Variants in NAALADL2 observed in about 807,000 individuals in gnomAD.
NAALADL2 encodes N-acetylated alpha-linked acidic dipeptidase like 2.
Under a neutral mutation model 87.2 loss-of-function variants are expected in NAALADL2, and 76 were observed. The ratio of observed to expected loss-of-function variants is 0.87; its 90% CI spans 0.72 to 1.05. The LOEUF (loss-of-function observed/expected upper bound fraction) is 1.05. Among genes scored for constraint, NAALADL2 ranks in the 50% least tolerant of loss-of-function variants. NAALADL2 has a pLI of 0.00. For missense variants in NAALADL2, 1,089 were observed against 945.8 expected (o/e 1.15, Z -1.99); for synonymous variants, 354 against 331.0 (o/e 1.07, Z -0.75).
chr3:174,746,104 A>C (rs186469445), intron 3 of NAALADL2, among the ~76,000 whole-genome samples: 1 of 152,304 alleles, frequency 6.6e-6, no homozygotes, highest in African/African-American at 2.4e-5. Context: ...AGAAAGAAAT[A>C]AAGGGTATTC....
At chr3:175,306,510 C>T (rs879593224) in intron 4 of NAALADL2, among the ~76,000 whole-genome samples, 2 of 152,034 alleles carry the variant, frequency 1.3e-5, no homozygotes, top group Non-Finnish European at 2.9e-5. Context: ...AGTCTCTGTT[C>T]TTATATAAAA....
At position 175,295,512 on chromosome 3, in the gene NAALADL2, A is replaced by T. The variant is rs899498858; in HGVS notation, c.940-28663A>T. The stretch of plus-strand genomic sequence containing the variant: ...TTCCTGCATGCCCTCGTACAAAAAA[A>T]TTACTAAGGCTTTCAACTTTTACTG... On this transcript the variant is annotated intron_variant, in intron 4 of 13. Coordinates refer to ENST00000454872, the MANE Select transcript of NAALADL2 (RefSeq NM_207015.3). 3.9e-5 allele frequency among the ~76,000 whole-genome samples: 6 copies of T among 152,078 alleles called. No individual in the cohort carries two copies. In the South Asian group the frequency reaches 1.2e-3, roughly 32 times the overall value.
At chr3:175,719,203 A>G (rs1741855451) in intron 11 of NAALADL2, among the ~76,000 whole-genome samples, 1 of 150,266 alleles carries the variant, frequency 6.7e-6, no homozygotes, top group South Asian at 2.1e-4. Context: ...GGTTGTCACA[A>G]ATGTGGGATG....
chr3:175,238,523 A>T (rs1008955614), intron 3 of NAALADL2, among the ~76,000 whole-genome samples: 1 of 152,208 alleles, frequency 6.6e-6, no homozygotes, highest in African/African-American at 2.4e-5. Flanking sequence ...CAAATCTATT[A>T]TACTAAATAC....
At chr3:175,512,109 C>G (rs932318703) in intron 9 of NAALADL2, among the ~76,000 whole-genome samples, 1 of 151,994 alleles carries the variant, frequency 6.6e-6, no homozygotes, top group Non-Finnish European at 1.5e-5. Context: ...CTTGGCATAG[C>G]GGTGAGTAGC....
intron 1 of NAALADL2, among the ~76,000 whole-genome samples, chr3:175,048,979 G>C (rs904252865): frequency 1.3e-5 from 2 of 152,104 alleles, no homozygotes; most frequent in African/African-American, 4.8e-5. Flanking sequence ...AAAAATAACA[G>C]TATAAATTAG....
At chr3:175,177,798 C>T (rs1263554171) in intron 2 of NAALADL2, among the ~76,000 whole-genome samples, 8 of 151,548 alleles carry the variant, frequency 5.3e-5, no homozygotes, top group South Asian at 4.2e-4. Flanking sequence ...AGCTGAAGCA[C>T]GAATAAGTGA....
At chr3:175,650,614 A>C (rs1231179378) in intron 11 of NAALADL2, among the ~76,000 whole-genome samples, 2 of 152,120 alleles carry the variant, frequency 1.3e-5, no homozygotes, top group Non-Finnish European at 2.9e-5. Context: ...ATTCAGTCCT[A>C]TTCTTCCCCC....
At chr3:175,508,123 A>T (rs1022962890) in intron 9 of NAALADL2, among the ~76,000 whole-genome samples, 4 of 152,166 alleles carry the variant, frequency 2.6e-5, no homozygotes, top group African/African-American at 9.7e-5. Flanking sequence ...TACATTTTTA[A>T]ACCACCAGAT....
chr3:175,796,465 C>T (rs960604141), intron 13 of NAALADL2, among the ~76,000 whole-genome samples: 1 of 152,142 alleles, frequency 6.6e-6, no homozygotes, highest in Non-Finnish European at 1.5e-5. Flanking sequence ...TCTCATTCTG[C>T]TTTTGCTAGT....
chr3:174,602,686 G>T (rs1718575712), intron 2 of NAALADL2, among the ~76,000 whole-genome samples: 1 of 151,988 alleles, frequency 6.6e-6, no homozygotes, highest in Non-Finnish European at 1.5e-5. Context: ...TGATGATGGT[G>T]ATCATCCTTG....
In NAALADL2 at chr3:175,462,935, T is replaced by G. The variant is rs184866027; in HGVS notation, c.1235-466T>G. ...TGTTGTATAATGCTTTATTTATCAT[T>G]TTTAAAGTGTTAATAAAATAGTGAG... On this transcript the variant is annotated intron_variant, in intron 6 of 13. Coordinates refer to ENST00000454872, the MANE Select transcript of NAALADL2 (RefSeq NM_207015.3). Among the ~76,000 whole-genome samples, 326 of 152,368 alleles carry G rather than the reference T, an allele frequency of 2.1e-3. 1 individual carries two copies. The highest frequency in any genetic ancestry group is 3.5e-3 in the Admixed American group (54 of 15,300).
At chr3:175,402,965 T>A (rs1308470727) in intron 5 of NAALADL2, among the ~76,000 whole-genome samples, 3 of 152,146 alleles carry the variant, frequency 2.0e-5, no homozygotes, top group Admixed American at 6.6e-5. Flanking sequence ...AAATTCTTCA[T>A]AAATATTTTT....
chr3:175,234,286 C>T, intron 3 of NAALADL2, 82 bp downstream of exon 3: 1 of 1,379,994 alleles, frequency 7.2e-7, no homozygotes, highest in Non-Finnish European at 1.0e-6. Context: ...AACTAACTGT[C>T]AAGATGCAAC....
rs183321136 is a variant in NAALADL2 at position 175,245,474 on chromosome 3, T to A, written c.820-10937T>A. Among the ~76,000 whole-genome samples, 4 of 152,308 alleles carry A rather than the reference T, an allele frequency of 2.6e-5. No homozygotes were observed. The East Asian group carries it at 5.8e-4, about 22-fold the overall frequency. On this transcript the variant is annotated intron_variant, in intron 3 of 13. Transcript: ENST00000454872. ...AATAATTTTAACTTTTTTTGTCCTTTGGATGTGCATTATATGTTAGATTGT... is the reference window on the plus strand; with the variant it reads ...AATAATTTTAACTTTTTTTGTCCTTAGGATGTGCATTATATGTTAGATTGT...
At chr3:174,941,462 T>C (rs1738580969) in intron 1 of NAALADL2, among the ~76,000 whole-genome samples, 1 of 152,020 alleles carries the variant, frequency 6.6e-6, no homozygotes, top group Non-Finnish European at 1.5e-5. Context: ...ATGAGAAGAG[T>C]ATATATTCTG....
At chr3:174,578,358 A>T (rs1715777332) in intron 2 of NAALADL2, among the ~76,000 whole-genome samples, 1 of 151,992 alleles carries the variant, frequency 6.6e-6, no homozygotes, top group African/African-American at 2.4e-5. Flanking sequence ...AAGCAAATGT[A>T]AAGAGAAAAT....
chr3:174,904,554 C>A (rs1235148801), intron 1 of NAALADL2, among the ~76,000 whole-genome samples: 1 of 145,706 alleles, frequency 6.9e-6, no homozygotes, highest in African/African-American at 2.6e-5. Context: ...TACTAATGCC[C>A]AAAACATCAA....
intron 10 of NAALADL2, among the ~76,000 whole-genome samples, chr3:175,601,923 G>A (rs1409573266): frequency 2.6e-5 from 4 of 152,070 alleles, no homozygotes; most frequent in East Asian, 1.9e-4. Flanking sequence ...ATTAAGCTGC[G>A]TGCTTCTTAG....
Sources: allele counts gnomAD v4.1 joint callset (sites outside exome capture counted in the v4.1 genomes callset), GRCh38; gene constraint gnomAD v4.1.1; transcripts MANE v1.5; gene names NCBI Gene and HGNC (gene_info 2026-07-23, HGNC 2026-07-21).